Variants in TNRC6C observed in about 807,000 individuals in gnomAD.
TNRC6C encodes trinucleotide repeat containing adaptor 6C, also known as trinucleotide repeat-containing gene 6C protein.
A neutral mutation model predicts 153.7 loss-of-function variants in TNRC6C; 20 were observed. The ratio of observed to expected loss-of-function variants is 0.13; its 90% CI spans 0.09 to 0.19. The LOEUF (loss-of-function observed/expected upper bound fraction) is 0.19, where lower values mean the gene tolerates loss of function less well. Ranked by LOEUF, TNRC6C falls within the 10% of genes least tolerant of loss-of-function variation. The pLI is 1.00. For missense variants in TNRC6C, 1,987 were observed against 2,172.0 expected, an observed-to-expected ratio of 0.91 and a Z score of 1.69; for synonymous variants, 811 against 841.4, an observed-to-expected ratio of 0.96 and a Z score of 0.63.
chr17:77,975,762 T>A (rs746687856), intron 1 of TNRC6C, among the ~76,000 whole-genome samples: 3 of 152,210 alleles, frequency 2.0e-5, no homozygotes, highest in African/African-American at 4.8e-5. Context: ...GAATAAAAAG[T>A]ACCATGATAT....
intron 1 of TNRC6C, among the ~76,000 whole-genome samples, chr17:78,027,000 A>C (rs1014643370): frequency 1.3e-5 from 2 of 152,180 alleles, no homozygotes; most frequent in African/African-American, 2.4e-5. Flanking sequence ...AGTATATGGG[A>C]CATGTTGATT....
intron 3 of TNRC6C, among the ~76,000 whole-genome samples, chr17:78,056,211 G>T (rs930439730): frequency 6.6e-6 from 1 of 151,256 alleles, no homozygotes; most frequent in Non-Finnish European, 1.5e-5. Context: ...GGGCTAGAGT[G>T]CAGTGACACA....
chr17:78,041,307 A>G (rs1251109595), intron 2 of TNRC6C, among the ~76,000 whole-genome samples: 4 of 152,142 alleles, frequency 2.6e-5, no homozygotes, highest in African/African-American at 9.7e-5. Context: ...GCTGCTTGCT[A>G]AAGATCTGCC....
At chr17:77,987,166 A>T (rs2071181963) in intron 1 of TNRC6C, among the ~76,000 whole-genome samples, 1 of 152,242 alleles carries the variant, frequency 6.6e-6, no homozygotes, top group Non-Finnish European at 1.5e-5. Flanking sequence ...GAAGAAGCCC[A>T]CTAAGAACTG....
intron 13 of TNRC6C, among the ~76,000 whole-genome samples, chr17:78,090,489 G>A (rs1239070646): frequency 2.0e-5 from 3 of 152,220 alleles, no homozygotes; most frequent in African/African-American, 7.2e-5. Flanking sequence ...TGGGGTATGT[G>A]TATGTGGTAA....
chr17:78,102,557 G>A lies in TNRC6C; in HGVS notation c.4572+13G>A, dbSNP rs200296226. 5.0e-6 allele frequency: 8 copies of A among 1,592,962 alleles called. No homozygotes were observed. The East Asian group carries it at 1.6e-4, about 32-fold the overall frequency. ...CCTCACTCCCCAGGTGCAATATGGT[G>A]CCCCTGCATCACTGAGCATGATCCA... On this transcript the variant is annotated intron_variant, in intron 18 of 19. Transcript: ENST00000301624.
Position 78,051,585 on chromosome 17 carries a change from G to A in TNRC6C, c.2395+128G>A, listed in dbSNP as rs567699268. 1.7e-5 allele frequency: 16 copies of A among 959,150 alleles called. No homozygotes were observed. The Admixed American group carries it at 1.8e-4, about 11-fold the overall frequency. 59.4% of individuals were successfully genotyped at this position (959,150 alleles called of 1,614,324 possible). Reference sequence around the variant, plus strand: ...AAAATAATTTAAGTTCCCTATCACCGTGCAATATTGTATCTAAAGATTATC... The same window carrying A: ...AAAATAATTTAAGTTCCCTATCACCATGCAATATTGTATCTAAAGATTATC... On this transcript the variant is annotated intron_variant, in intron 3 of 19. Transcript: ENST00000301624.
intron 7 of TNRC6C, among the ~76,000 whole-genome samples, chr17:78,073,817 G>A (rs543671633): frequency 8.9e-4 from 135 of 152,134 alleles, no homozygotes; most frequent in African/African-American, 2.5e-3. Context: ...ACATTTTTCT[G>A]ACCCTGGATA....
At chr17:78,056,242 C>T (rs1335725807) in intron 3 of TNRC6C, among the ~76,000 whole-genome samples, 1 of 151,910 alleles carries the variant, frequency 6.6e-6, no homozygotes, top group African/African-American at 2.4e-5. Context: ...ACTGCAACTT[C>T]CACCTCCCGG....
At chr17:78,004,962 T>C (rs532810292), upstream of TNRC6C, 2 of 994,778 alleles carry the variant, frequency 2.0e-6, no homozygotes, top group East Asian at 6.6e-5. Flanking sequence ...TTTTCAATAC[T>C]AAAAGTTTGC....
intron 1 of TNRC6C, among the ~76,000 whole-genome samples, chr17:78,016,787 T>C (rs1241269528): frequency 6.6e-6 from 1 of 152,232 alleles, no homozygotes; most frequent in Non-Finnish European, 1.5e-5. Context: ...TACTGTGTAC[T>C]AAGTGCCAGT....
At position 78,079,732 on chromosome 17, in the gene TNRC6C, A is replaced by G. The variant is rs2073145509; in HGVS notation, c.3357+191A>G. ...AGTAGTAAATGGATTCTCCTGACCC[A>G]GGAGACATTTTCAGAGCTTGCTCCT... On this transcript the variant is annotated intron_variant, in intron 10 of 19. Transcript: ENST00000301624. This position sits in a 1 kb window ranked among gnomAD's most constrained non-coding sequence, Gnocchi z 4.3. Among the ~76,000 whole-genome samples, 1 of 152,226 alleles carries G rather than the reference A, an allele frequency of 6.6e-6. No homozygotes were observed.
At chr17:77,974,927 A>G (rs1215496413) in intron 1 of TNRC6C, among the ~76,000 whole-genome samples, 1 of 152,242 alleles carries the variant, frequency 6.6e-6, no homozygotes, top group Non-Finnish European at 1.5e-5. Context: ...GCCTTTTGCC[A>G]TAGGTAAATG....
intron 3 of TNRC6C, among the ~76,000 whole-genome samples, chr17:78,060,555 C>G (rs1314337121): frequency 6.6e-6 from 1 of 150,796 alleles, no homozygotes; most frequent in Admixed American, 6.6e-5. Context: ...TCACTGCAAC[C>G]TCTGCCTCCC....
intron 2 of TNRC6C, among the ~76,000 whole-genome samples, chr17:78,036,662 AC>A (rs1185792467): frequency 6.6e-6 from 1 of 152,146 alleles, no homozygotes; most frequent in Non-Finnish European, 1.5e-5. Context: ...GTTGGCTCAC[AC>A]CTGTAATCCC....
chr17:78,037,229 G>A (rs750740563), intron 2 of TNRC6C, among the ~76,000 whole-genome samples: 3 of 152,120 alleles, frequency 2.0e-5, no homozygotes, highest in Admixed American at 1.3e-4. Flanking sequence ...TGCCACACTC[G>A]GCTTGCACAG....
chr17:78,041,592 T>C (rs1185273898), intron 2 of TNRC6C, among the ~76,000 whole-genome samples: 1 of 152,256 alleles, frequency 6.6e-6, no homozygotes, highest in Non-Finnish European at 1.5e-5. Flanking sequence ...TTTATAGTAG[T>C]TGACAGATGA....
intron 1 of TNRC6C, among the ~76,000 whole-genome samples, chr17:78,014,920 G>T (rs1048216311): frequency 6.6e-6 from 1 of 151,824 alleles, no homozygotes; most frequent in African/African-American, 2.4e-5. Context: ...TCTTCTGCTC[G>T]CATCTCATTG....
exon 20 of TNRC6C, chr17:78,106,535 A>C (rs75161016): frequency 6.7e-6 from 1 of 149,876 alleles, no homozygotes; most frequent in African/African-American, 2.5e-5. Context: ...AAAAAAAAAA[A>C]ACAAAACAAA....
Sources: gnomAD v4.1 joint callset for allele counts (sites outside exome capture counted in the v4.1 genomes callset) on GRCh38, gnomAD v4.1.1 for gene constraint, Gnocchi (gnomAD v3.1) non-coding constraint, MANE v1.5 for transcripts, NCBI Gene and HGNC (gene_info 2026-07-23, HGNC 2026-07-21) for gene names.